BANP: variants seen among roughly 807,000 people sequenced by gnomAD.
BANP encodes protein BANP.
A neutral mutation model predicts 68.1 loss-of-function variants in BANP; 11 were observed. The observed-to-expected ratio is 0.16, with a 90% CI of 0.10 to 0.27. BANP has a LOEUF of 0.27. Ranked by LOEUF, BANP falls within the 10% of genes least tolerant of loss-of-function variation. The pLI, the probability that BANP is intolerant of heterozygous loss-of-function variation, is 1.00. For missense variants in BANP, 504 were observed against 722.7 expected (o/e 0.70, Z 3.47); for synonymous variants, 329 against 303.2 (o/e 1.09, Z -0.88).
At chr16:87,985,408 C>T (rs58483069) in intron 4 of BANP, among the ~76,000 whole-genome samples, 2,785 of 152,248 alleles carry the variant, frequency 0.018, 96 homozygotes, top group African/African-American at 0.064. Context: ...TGTCTCCCCC[C>T]AGCAGGAGTT....
At chr16:87,989,640 C>T (rs1283311669) in intron 4 of BANP, among the ~76,000 whole-genome samples, 1 of 111,308 alleles carries the variant, frequency 9.0e-6, no homozygotes, top group African/African-American at 3.8e-5. Context: ...GGACACAGGA[C>T]ACAGGGCGGG....
intron 4 of BANP, among the ~76,000 whole-genome samples, chr16:87,985,215 G>A (rs1319555831): frequency 5.3e-5 from 8 of 152,168 alleles, no homozygotes; most frequent in South Asian, 4.1e-4. Context: ...TGTGCTGGCC[G>A]AAGCAGTGGT....
intron 1 of BANP, among the ~76,000 whole-genome samples, chr16:87,953,435 C>G (rs1489306984): frequency 6.6e-6 from 1 of 152,158 alleles, no homozygotes; most frequent in African/African-American, 2.4e-5. Context: ...ACTCGAACTC[C>G]TGAGCTCAAG....
At chr16:87,963,660 G>A (rs181326636) in intron 1 of BANP, among the ~76,000 whole-genome samples, 1 of 152,146 alleles carries the variant, frequency 6.6e-6, no homozygotes, top group Non-Finnish European at 1.5e-5. Flanking sequence ...AAATACTGAC[G>A]GGAAAAAACC....
chr16:88,049,274 C>T (rs1475128164), intron 11 of BANP, among the ~76,000 whole-genome samples: 1 of 152,128 alleles, frequency 6.6e-6, no homozygotes, highest in Non-Finnish European at 1.5e-5. Flanking sequence ...GAGTGGCTTG[C>T]AGAGCTCAGG....
intron 6 of BANP, among the ~76,000 whole-genome samples, chr16:88,007,090 C>A (rs1465753297): frequency 1.3e-5 from 2 of 151,996 alleles, no homozygotes; most frequent in Non-Finnish European, 1.5e-5. Context: ...TAACTCACTT[C>A]TTTCCCCTAC....
At chr16:87,981,507 C>G (rs181005389) in intron 3 of BANP, among the ~76,000 whole-genome samples, 1 of 152,240 alleles carries the variant, frequency 6.6e-6, no homozygotes, top group African/African-American at 2.4e-5. Context: ...TACATCTACA[C>G]AGACCCAAAG....
chr16:87,961,244 G>A (rs2059066496), intron 1 of BANP, among the ~76,000 whole-genome samples: 1 of 152,186 alleles, frequency 6.6e-6, no homozygotes, highest in Non-Finnish European at 1.5e-5. Flanking sequence ...TGTCAAAGAG[G>A]AATCTCCATA....
At chr16:87,973,910 G>T (rs917133028) in intron 1 of BANP, among the ~76,000 whole-genome samples, 2 of 152,150 alleles carry the variant, frequency 1.3e-5, no homozygotes, top group Non-Finnish European at 2.9e-5. Context: ...TTCCTGTTGG[G>T]ACTTATCCAT....
At chr16:88,068,358 G>A (rs962707550) in intron 12 of BANP, among the ~76,000 whole-genome samples, 6 of 152,258 alleles carry the variant, frequency 3.9e-5, no homozygotes, top group Non-Finnish European at 7.3e-5. Flanking sequence ...GCGCTTGGGA[G>A]TTACCAGTCA....
In BANP at chr16:88,072,004, A is replaced by G. The variant is rs1469678292; in HGVS notation, c.1378-65A>G. The G allele has an allele frequency of 4.6e-6, 7 of 1,535,356 alleles. No individual in the cohort carries two copies. The East Asian group carries it at 7.3e-5, about 16-fold the overall frequency. ...GCTGGGGTCTGCGGTCTGTGGAGCC[A>G]TGTGGGTTGTGGGTTGTGGGTTGTG... On this transcript the variant is annotated intron_variant, in intron 12 of 13. Transcript: ENST00000682872.
chr16:88,049,273 G>C lies in BANP; in HGVS notation c.1311+11262G>C, dbSNP rs112285080. 4.3e-3 allele frequency among the ~76,000 whole-genome samples: 660 copies of C among 152,120 alleles called. 5 individuals carry two copies. The highest frequency in any genetic ancestry group is 0.014 in the African/African-American group (600 of 41,534). ...TTTGATTAATTTGCTGGAGTGGCTT[G>C]CAGAGCTCAGGGAAGTACTTTTGTT... is the stretch of plus-strand genomic sequence containing the variant. On this transcript the variant is annotated intron_variant, in intron 11 of 13. Transcript: ENST00000682872.
chr16:88,019,282 G>T (rs1396663283), intron 7 of BANP, among the ~76,000 whole-genome samples: 3 of 152,140 alleles, frequency 2.0e-5, no homozygotes, highest in Non-Finnish European at 4.4e-5. Context: ...GGTCCTCCTT[G>T]CCAGCGTCCA....
At chr16:87,964,706 C>A (rs7201269) in intron 1 of BANP, among the ~76,000 whole-genome samples, 99,788 of 152,018 alleles carry the variant, frequency 0.66, 33,316 homozygotes, top group African/African-American at 0.74. Context: ...GACAGTGAGA[C>A]GGCCGTATGT....
chr16:88,030,031 C>G (rs756222198), intron 8 of BANP, among the ~76,000 whole-genome samples: 1 of 152,228 alleles, frequency 6.6e-6, no homozygotes. Context: ...AGTGATCAGT[C>G]GCTGCACTAG....
chr16:87,987,880 C>G (rs2064876935), intron 4 of BANP, among the ~76,000 whole-genome samples: 1 of 152,036 alleles, frequency 6.6e-6, no homozygotes, highest in African/African-American at 2.4e-5. Flanking sequence ...ATTCTCCCAC[C>G]TCAGCCTCCC....
At chr16:87,962,326 G>A (rs1362197960) in intron 1 of BANP, among the ~76,000 whole-genome samples, 6 of 150,970 alleles carry the variant, frequency 4.0e-5, no homozygotes, top group African/African-American at 9.8e-5. Context: ...AACAGAAAAC[G>A]GAGTAAGACA....
chr16:87,991,203 C>T (rs2065824802), intron 4 of BANP, among the ~76,000 whole-genome samples: 1 of 152,188 alleles, frequency 6.6e-6, no homozygotes, highest in African/African-American at 2.4e-5. Flanking sequence ...ATACCTACAA[C>T]TTCAGGAATT....
At chr16:87,978,685 C>G in intron 2 of BANP, 1 of 469,482 alleles carries the variant, frequency 2.1e-6, no homozygotes, top group Non-Finnish European at 4.4e-6. Context: ...GTAGCTGGGA[C>G]TATCCAGGTT....
Sources: gnomAD v4.1 joint callset for allele counts (sites outside exome capture counted in the v4.1 genomes callset) on GRCh38, gnomAD v4.1.1 for gene constraint, MANE v1.5 for transcripts, NCBI Gene and HGNC (gene_info 2026-07-23, HGNC 2026-07-21) for gene names.